The following UBE2QL1 variants were observed in gnomAD, a reference collection of about 807,000 sequenced individuals.
UBE2QL1 encodes the protein ubiquitin conjugating enzyme E2 QL1.
Under a neutral mutation model 12.6 loss-of-function variants are expected in UBE2QL1, and 5 were observed. The observed-to-expected ratio is 0.40, with a 90% CI of 0.21 to 0.83. The LOEUF (loss-of-function observed/expected upper bound fraction) is 0.83. Among genes scored for constraint, UBE2QL1 ranks in the 40% least tolerant of loss-of-function variants. The pLI is 0.37. For synonymous variants in UBE2QL1, 96 were observed against 94.5 expected (o/e 1.02, Z -0.10); for missense variants, 99 against 222.6 (o/e 0.44, Z 3.53).
At chr5:6,482,865 C>T (rs1247890858) in intron 1 of UBE2QL1, among the ~76,000 whole-genome samples, 2 of 152,172 alleles carry the variant, frequency 1.3e-5, no homozygotes, top group Admixed American at 6.5e-5. Context: ...GATCCAGCTC[C>T]AGCGTCAGCA....
At chr5:6,450,207 T>G (rs1560925511) in intron 1 of UBE2QL1, among the ~76,000 whole-genome samples, 1 of 151,796 alleles carries the variant, frequency 6.6e-6, no homozygotes. Context: ...CAGACCTGCT[T>G]CTTTTTCTTC....
intron 1 of UBE2QL1, 74 bp downstream of exon 1, chr5:6,449,321 C>G (rs182953818): frequency 2.0e-5 from 26 of 1,276,348 alleles, no homozygotes; most frequent in East Asian, 1.9e-4. Flanking sequence ...GCCCGGGCCC[C>G]GTGGTGAGGG....
At chr5:6,489,927 C>T (rs1579304356) in intron 1 of UBE2QL1, among the ~76,000 whole-genome samples, 1 of 152,314 alleles carries the variant, frequency 6.6e-6, no homozygotes, top group African/African-American at 2.4e-5. Flanking sequence ...CACCAGTGCC[C>T]CGAATTGGAA....
At chr5:6,460,398 C>G (rs1739626712) in intron 1 of UBE2QL1, among the ~76,000 whole-genome samples, 1 of 152,358 alleles carries the variant, frequency 6.6e-6, no homozygotes, top group East Asian at 1.9e-4. Context: ...GCCTCCAATG[C>G]ACACAGATAT....
At chr5:6,477,399 G>C (rs1363600434) in intron 1 of UBE2QL1, among the ~76,000 whole-genome samples, 1 of 151,938 alleles carries the variant, frequency 6.6e-6, no homozygotes, top group Non-Finnish European at 1.5e-5. Context: ...GGTGTGCCCG[G>C]AGGTCAGCCT....
At chr5:6,470,988 G>C (rs138933901) in intron 1 of UBE2QL1, among the ~76,000 whole-genome samples, 3 of 152,210 alleles carry the variant, frequency 2.0e-5, no homozygotes, top group Non-Finnish European at 4.4e-5. Context: ...ACTACTTCCC[G>C]ATCTCACTGG....
intron 1 of UBE2QL1, among the ~76,000 whole-genome samples, chr5:6,459,897 G>T (rs965007191): frequency 1.3e-5 from 2 of 152,144 alleles, no homozygotes; most frequent in Admixed American, 1.3e-4. Context: ...TAGTGAAAAT[G>T]GAGACATTTT....
intron 1 of UBE2QL1, among the ~76,000 whole-genome samples, chr5:6,462,280 G>A (rs1212752116): frequency 2.0e-5 from 3 of 152,198 alleles, no homozygotes; most frequent in South Asian, 2.1e-4. Flanking sequence ...AGAAAGGAGG[G>A]GGATCTGCCG....
intron 1 of UBE2QL1, among the ~76,000 whole-genome samples, chr5:6,482,546 C>T: frequency 6.6e-6 from 1 of 150,738 alleles, no homozygotes; most frequent in East Asian, 1.9e-4. Context: ...CGTCTGGGCC[C>T]CCAGCCCCTT....
intron 1 of UBE2QL1, among the ~76,000 whole-genome samples, chr5:6,482,599 G>A (rs1052453713): frequency 7.9e-5 from 12 of 152,166 alleles, no homozygotes; most frequent in Admixed American, 2.6e-4. Context: ...TCTAGAGCAC[G>A]GCTTCTCCAC....
chr5:6,470,988 G>A (rs138933901), intron 1 of UBE2QL1, among the ~76,000 whole-genome samples: 2 of 152,092 alleles, frequency 1.3e-5, no homozygotes, highest in Admixed American at 6.5e-5. Context: ...ACTACTTCCC[G>A]ATCTCACTGG....
At chr5:6,458,703 A>G (rs1450155665) in intron 1 of UBE2QL1, among the ~76,000 whole-genome samples, 2 of 152,222 alleles carry the variant, frequency 1.3e-5, no homozygotes, top group Middle Eastern at 3.2e-3. Flanking sequence ...GATTAGTGAC[A>G]TATGCTACTC....
intron 1 of UBE2QL1, among the ~76,000 whole-genome samples, chr5:6,486,571 A>G (rs1337949636): frequency 1.3e-5 from 2 of 152,110 alleles, no homozygotes; most frequent in Non-Finnish European, 2.9e-5. Flanking sequence ...TCTCTTCCCC[A>G]GTGTAGAATC....
chr5:6,486,339 CAA>C (rs1734467424), intron 1 of UBE2QL1, among the ~76,000 whole-genome samples: 1 of 151,924 alleles, frequency 6.6e-6, no homozygotes, highest in African/African-American at 2.4e-5. Context: ...CACACACACA[CAA>C]ACACACACAC....
intron 1 of UBE2QL1, among the ~76,000 whole-genome samples, chr5:6,489,780 G>A (rs1287852549): frequency 1.3e-5 from 2 of 152,232 alleles, no homozygotes; most frequent in Non-Finnish European, 1.5e-5. Context: ...CGTGCTTGCT[G>A]GTGGCCACAC....
intron 1 of UBE2QL1, among the ~76,000 whole-genome samples, chr5:6,473,352 G>T (rs1323084825): frequency 6.6e-6 from 1 of 152,198 alleles, no homozygotes; most frequent in Non-Finnish European, 1.5e-5. Flanking sequence ...ATACAGGCCA[G>T]TGTCTGCTCT....
At chr5:6,488,270 G>T (rs184109575) in intron 1 of UBE2QL1, among the ~76,000 whole-genome samples, 5 of 152,224 alleles carry the variant, frequency 3.3e-5, no homozygotes, top group Admixed American at 3.3e-4. Flanking sequence ...GTTGTTTCTT[G>T]TAACAATTGA....
At chr5:6,474,691 C>A (rs1316970511) in intron 1 of UBE2QL1, among the ~76,000 whole-genome samples, 3 of 152,212 alleles carry the variant, frequency 2.0e-5, no homozygotes, top group African/African-American at 7.2e-5. Flanking sequence ...ATAGTGATAA[C>A]CCCACAGGCT....
chr5:6,487,001 A>G (rs1734479407), intron 1 of UBE2QL1, among the ~76,000 whole-genome samples: 1 of 152,156 alleles, frequency 6.6e-6, no homozygotes, highest in Non-Finnish European at 1.5e-5. Context: ...CAGCTGCAAC[A>G]TGCCTGGTTA....
Sources: allele counts gnomAD v4.1 joint callset (sites outside exome capture counted in the v4.1 genomes callset), GRCh38; gene constraint gnomAD v4.1.1; transcripts MANE v1.5; gene names NCBI Gene and HGNC (gene_info 2026-07-23, HGNC 2026-07-21).